The following SIK3 variants were observed in gnomAD, a reference collection of about 807,000 sequenced individuals.
SIK3 encodes the protein SIK family kinase 3.
A neutral mutation model predicts 144.2 loss-of-function variants in SIK3; 28 were observed. The ratio of observed to expected loss-of-function variants is 0.19; its 90% CI spans 0.14 to 0.27. The LOEUF (loss-of-function observed/expected upper bound fraction) is 0.27, where lower values mean the gene tolerates loss of function less well. Among genes scored for constraint, SIK3 ranks in the 10% least tolerant of loss-of-function variants. The pLI, the probability that SIK3 is intolerant of heterozygous loss-of-function variation, is 1.00. For missense variants in SIK3, 1,319 were observed against 1,776.0 expected, an observed-to-expected ratio of 0.74 and a Z score of 4.62; for synonymous variants, 686 against 676.3, an observed-to-expected ratio of 1.01 and a Z score of -0.22.
In SIK3 at chr11:117,061,181, G is replaced by A. The variant is rs117617941; in HGVS notation, c.273+36962C>T. Among the ~76,000 whole-genome samples the A allele has an allele frequency of 3.7e-4, 56 of 152,194 alleles. 1 individual carries two copies. The East Asian group carries it at 0.01, about 28-fold the overall frequency. On this transcript the variant is annotated intron_variant, in intron 1 of 24. Coordinates refer to ENST00000445177, the MANE Select transcript of SIK3 (RefSeq NM_001366686.3). ...AAGATGGCTTGAGCCCAGAAGTTCAGGGCTGTGGTAAGCTGCGATCATACC... is the reference window on the plus strand; with the variant it reads ...AAGATGGCTTGAGCCCAGAAGTTCAAGGCTGTGGTAAGCTGCGATCATACC...
intron 1 of SIK3, among the ~76,000 whole-genome samples, chr11:116,957,581 T>C (rs886910063): frequency 6.6e-6 from 1 of 152,178 alleles, no homozygotes; most frequent in African/African-American, 2.4e-5. Context: ...GCAGTGATGG[T>C]GGTGGCAGCA....
At chr11:117,011,526 T>C (rs550251239) in intron 1 of SIK3, among the ~76,000 whole-genome samples, 1 of 152,350 alleles carries the variant, frequency 6.6e-6, no homozygotes, top group South Asian at 2.1e-4. Context: ...GAAATTTTTT[T>C]TTTTACCCCG....
intron 1 of SIK3, among the ~76,000 whole-genome samples, chr11:117,003,131 G>A (rs1287908791): frequency 1.3e-5 from 2 of 152,140 alleles, no homozygotes; most frequent in Non-Finnish European, 2.9e-5. Flanking sequence ...GTAACATCTC[G>A]TTTCCTATGA....
intron 1 of SIK3, among the ~76,000 whole-genome samples, chr11:116,958,329 C>T (rs1949221086): frequency 1.3e-5 from 2 of 152,166 alleles, no homozygotes; most frequent in Non-Finnish European, 2.9e-5. Context: ...TTATCTGAAG[C>T]TGTTTCAGGT....
chr11:117,053,675 G>A (rs1284282115), intron 1 of SIK3, among the ~76,000 whole-genome samples: 2 of 140,832 alleles, frequency 1.4e-5, no homozygotes, highest in African/African-American at 5.1e-5. Context: ...CCTCCACTGA[G>A]ACAAGGTCTT....
intron 21 of SIK3, 85 bp downstream of exon 21, chr11:116,857,725 A>G (rs1243322378): frequency 2.6e-6 from 4 of 1,510,624 alleles, no homozygotes; most frequent in Non-Finnish European, 3.5e-6. Flanking sequence ...AGGAACACAG[A>G]ATACTAGCTG....
intron 1 of SIK3, among the ~76,000 whole-genome samples, chr11:117,041,789 GACA>G (rs1952752442): frequency 6.6e-6 from 1 of 152,112 alleles, no homozygotes; most frequent in Non-Finnish European, 1.5e-5. Flanking sequence ...ACTAAACTCT[GACA>G]ACAATACAAT....
intron 1 of SIK3, among the ~76,000 whole-genome samples, chr11:117,085,094 CTTTCT>C (rs958126356): frequency 1.1e-4 from 17 of 151,704 alleles, no homozygotes; most frequent in Admixed American, 5.3e-4. Flanking sequence ...ATCAATCTTT[CTTTCT>C]TTCTTTTCTC....
At chr11:117,006,886 C>T (rs1591522951) in intron 1 of SIK3, among the ~76,000 whole-genome samples, 2 of 152,242 alleles carry the variant, frequency 1.3e-5, no homozygotes, top group East Asian at 3.9e-4. Context: ...TTATTAAATA[C>T]TATTAATACA....
intron 11 of SIK3, among the ~76,000 whole-genome samples, chr11:116,874,742 T>C (rs1267872844): frequency 6.6e-6 from 1 of 152,248 alleles, no homozygotes; most frequent in Non-Finnish European, 1.5e-5. Context: ...AGCTTTGCCC[T>C]GATTTGACCT....
intron 1 of SIK3, among the ~76,000 whole-genome samples, chr11:117,047,416 A>G (rs963082588): frequency 1.3e-5 from 2 of 152,156 alleles, no homozygotes; most frequent in Non-Finnish European, 2.9e-5. Flanking sequence ...TAATCATAAG[A>G]AGGCACAGGG....
chr11:116,930,977 G>GA (rs887844957), intron 3 of SIK3, among the ~76,000 whole-genome samples: 5 of 150,938 alleles, frequency 3.3e-5, no homozygotes, highest in Middle Eastern at 3.4e-3. Context: ...CGGTTAAAAG[G>GA]AAAAAAAATG....
chr11:116,858,115 T>A lies in SIK3; in HGVS notation c.3350A>T (p.Glu1117Val). 1 of 1,614,092 alleles carries A rather than the reference T, an allele frequency of 6.2e-7. No individual in the cohort carries two copies. Among genetic ancestry groups the A allele is most frequent in the Non-Finnish European group, 8.5e-7 (1 of 1,179,996 alleles). The change falls in exon 21 of 25, where the codon GAA (glutamate) becomes GTA (valine). Residue 1117 changes from glutamate to valine, a missense_variant. By Grantham distance (121) the Glu-to-Val change is moderately radical. This residue lies in a region of SIK3 where 646 missense variants were observed against 763.7 expected (regional missense o/e 0.85). Coordinates refer to ENST00000445177, the MANE Select transcript of SIK3 (RefSeq NM_001366686.3). The surrounding 1 kb of genome is among the most constrained non-coding windows in gnomAD (Gnocchi z 5.4). ...PQHLLQIRAQ[E>V]CVSQASSPTP... ...GGGTGAGGAAGCCTGTGAGACACATTCTTGTGCCCTGATTTGTAGCAGATG... is the reference window on the plus strand; with the variant it reads ...GGGTGAGGAAGCCTGTGAGACACATACTTGTGCCCTGATTTGTAGCAGATG...
intron 1 of SIK3, among the ~76,000 whole-genome samples, chr11:117,000,022 C>T (rs1950796022): frequency 6.6e-6 from 1 of 152,026 alleles, no homozygotes; most frequent in South Asian, 2.1e-4. Flanking sequence ...TTATAATTGC[C>T]ATTTGTTTGA....
In SIK3 at chr11:116,929,355, T is replaced by C. The variant is rs769016421; in HGVS notation, c.455-1975A>G. Among the ~76,000 whole-genome samples the C allele has an allele frequency of 5.8e-4, 88 of 152,222 alleles. 1 individual carries two copies. Among genetic ancestry groups the C allele is most frequent in the Non-Finnish European group, 9.1e-4 (62 of 68,038 alleles). ...GAAGCTCATTTGGCCAAGCTACCCA[T>C]TAATTAAAATGCCCAAGAGACATTT... is the stretch of plus-strand genomic sequence containing the variant. On this transcript the variant is annotated intron_variant, in intron 3 of 24. Transcript: ENST00000445177.
intron 1 of SIK3, among the ~76,000 whole-genome samples, chr11:116,988,056 A>T (rs1050259146): frequency 1.3e-5 from 2 of 152,192 alleles, no homozygotes; most frequent in Non-Finnish European, 2.9e-5. Flanking sequence ...ACAGATGATG[A>T]AACTAAAGCA....
In SIK3 at chr11:116,971,944, T is replaced by C. The variant is rs552940668; in HGVS notation, c.274-14880A>G. Among the ~76,000 whole-genome samples the C allele has an allele frequency of 2.0e-5, 3 of 151,952 alleles. No homozygotes were observed. The South Asian group carries it at 6.2e-4, about 32-fold the overall frequency. On this transcript the variant is annotated intron_variant, in intron 1 of 24. Coordinates refer to ENST00000445177, the MANE Select transcript of SIK3 (RefSeq NM_001366686.3). The stretch of plus-strand genomic sequence containing the variant: ...TCTACTAAAAATACGAAAAATTACC[T>C]GGGCGTGGTGGCACGCGCCTGTAAT...
intron 1 of SIK3, 61 bp from the exon 2 acceptor site, chr11:116,957,125 A>G: frequency 1.2e-6 from 1 of 867,354 alleles, no homozygotes; most frequent in Non-Finnish European, 1.7e-6. Context: ...ACTAAGAAAA[A>G]TTAGGTTCAC....
At chr11:116,969,635 T>C (rs189437089) in intron 1 of SIK3, among the ~76,000 whole-genome samples, 1 of 152,158 alleles carries the variant, frequency 6.6e-6, no homozygotes, top group Non-Finnish European at 1.5e-5. Flanking sequence ...CAAATGTACT[T>C]TTCTGGGTAG....
Sources: allele counts gnomAD v4.1 joint callset (sites outside exome capture counted in the v4.1 genomes callset), GRCh38; gene constraint gnomAD v4.1.1; regional missense constraint gnomAD v4.1.1; non-coding constraint Gnocchi (gnomAD v3.1); transcripts MANE v1.5; gene names NCBI Gene and HGNC (gene_info 2026-07-23, HGNC 2026-07-21).